The following TLK1 variants were observed in gnomAD, a reference collection of about 807,000 sequenced individuals.
The protein encoded by TLK1 is tousled like kinase 1, also known as serine/threonine-protein kinase tousled-like 1.
A neutral mutation model predicts 105.3 loss-of-function variants in TLK1; 24 were observed. The ratio of observed to expected loss-of-function variants is 0.23; its 90% CI spans 0.17 to 0.32. TLK1 has a LOEUF of 0.32. Ranked by LOEUF, TLK1 falls within the 10% of genes least tolerant of loss-of-function variation. TLK1 has a pLI of 1.00. For synonymous variants in TLK1, 321 were observed against 310.4 expected (o/e 1.03, Z -0.36); for missense variants, 558 against 910.5 (o/e 0.61, Z 4.98).
intron 18 of TLK1, among the ~76,000 whole-genome samples, chr2:171,003,273 CAAAAAAAAAAAAAAAAAAA>C (rs777049271): frequency 1.9e-4 from 13 of 68,506 alleles, no homozygotes; most frequent in African/African-American, 2.5e-4. Context: ...GACTCCGTCT[CAAAAAAAAAAAAAAAAAAA>C]AAAAAAAAAA....
intron 1 of TLK1, among the ~76,000 whole-genome samples, chr2:171,152,218 G>A (rs532499648): frequency 2.0e-5 from 3 of 152,192 alleles, no homozygotes; most frequent in Non-Finnish European, 4.4e-5. Context: ...CATAGATGAA[G>A]AGGAAAAAAT....
chr2:171,028,260 A>AAAT (rs1160705672), intron 12 of TLK1, 79 bp downstream of exon 12: 2 of 1,077,572 alleles, frequency 1.9e-6, no homozygotes, highest in Non-Finnish European at 2.8e-6. Flanking sequence ...TTGGCTTTTA[A>AAAT]AATAAGTGAC....
chr2:171,223,573 G>A (rs953783459), intron 1 of TLK1, among the ~76,000 whole-genome samples: 3 of 145,418 alleles, frequency 2.1e-5, no homozygotes, highest in African/African-American at 5.2e-5. Flanking sequence ...TCCACTTCCT[G>A]AGTTCAAGCG....
At position 171,063,207 on chromosome 2, in the gene TLK1, A is replaced by G. The variant is rs188622402; in HGVS notation, c.331-2051T>C. ...CTAAAAATATAAAAATTAGCCGGGC[A>G]TGGTGGTGCATGCCTGTAGTGCCAG... On this transcript the variant is annotated intron_variant, in intron 3 of 20. Transcript: ENST00000431350. Among the ~76,000 whole-genome samples, 328 of 152,110 alleles carry G rather than the reference A, an allele frequency of 2.2e-3. 1 individual carries two copies. Among genetic ancestry groups the G allele is most frequent in the African/African-American group, 6.9e-3 (286 of 41,494 alleles).
intron 1 of TLK1, among the ~76,000 whole-genome samples, chr2:171,134,680 A>G (rs1401442927): frequency 6.9e-6 from 1 of 144,420 alleles, no homozygotes. Context: ...GATGAATAGG[A>G]AAAAAAAAAA....
chr2:171,151,441 T>C (rs906681749), intron 1 of TLK1, among the ~76,000 whole-genome samples: 3 of 151,890 alleles, frequency 2.0e-5, no homozygotes, highest in East Asian at 1.9e-4. Flanking sequence ...ATGCCGGGAA[T>C]AGTGTCCAGC....
At chr2:171,033,892 T>TAAA (rs1404062964) in intron 11 of TLK1, among the ~76,000 whole-genome samples, 2 of 145,286 alleles carry the variant, frequency 1.4e-5, no homozygotes, top group African/African-American at 5.0e-5. Context: ...CCAGATTTTT[T>TAAA]AAAAAAAAAA....
chr2:171,011,297 G>T, intron 14 of TLK1, 76 bp downstream of exon 14: 1 of 1,273,674 alleles, frequency 7.9e-7, no homozygotes, highest in Non-Finnish European at 1.1e-6. Flanking sequence ...CCCAGACAAC[G>T]TAAGTACTTC....
At chr2:171,033,600 T>C (rs1686158577) in intron 11 of TLK1, among the ~76,000 whole-genome samples, 1 of 148,758 alleles carries the variant, frequency 6.7e-6, no homozygotes, top group African/African-American at 2.4e-5. Context: ...TGATAAATGC[T>C]TGAGGTCATG....
chr2:171,096,446 T>TA (rs1000895078), intron 2 of TLK1, among the ~76,000 whole-genome samples: 15 of 151,640 alleles, frequency 9.9e-5, no homozygotes, highest in East Asian at 1.9e-4. Context: ...TACAATAGCA[T>TA]AAAAAAAATT....
At chr2:170,998,359 TAC>T (rs1684184341) in intron 18 of TLK1, among the ~76,000 whole-genome samples, 1 of 152,126 alleles carries the variant, frequency 6.6e-6, no homozygotes, top group Admixed American at 6.5e-5. Flanking sequence ...GGCAACAACA[TAC>T]ATTTTCAAAA....
chr2:171,197,014 C>T (rs1014785312), intron 1 of TLK1, among the ~76,000 whole-genome samples: 7 of 152,152 alleles, frequency 4.6e-5, no homozygotes, highest in Admixed American at 1.3e-4. Flanking sequence ...ACTAGAAAAA[C>T]GAAATGTTTC....
At chr2:171,049,729 G>T (rs1687142156) in intron 10 of TLK1, 85 bp downstream of exon 10, 9 of 1,518,958 alleles carry the variant, frequency 5.9e-6, no homozygotes, top group African/African-American at 2.8e-5. Flanking sequence ...AGGAACTGGA[G>T]AGCATAATTA....
In TLK1 at chr2:171,172,140, T is replaced by C. The variant is rs141100245; in HGVS notation, c.-5-54283A>G. On this transcript the variant is annotated intron_variant, in intron 1 of 20. Coordinates refer to the TLK1 transcript ENST00000521943. ...ATGTAGATGAACTGTACAAAAATAA[T>C]GTTGGGCAAAGGAAGATAGACATGA... 3.9e-3 allele frequency among the ~76,000 whole-genome samples: 593 copies of C among 152,244 alleles called. 2 individuals are homozygous for C. Among genetic ancestry groups the C allele is most frequent in the African/African-American group, 0.014 (563 of 41,538 alleles).
At chr2:171,063,190 A>G (rs970236661) in intron 3 of TLK1, among the ~76,000 whole-genome samples, 7 of 152,046 alleles carry the variant, frequency 4.6e-5, no homozygotes, top group African/African-American at 1.7e-4. Context: ...TACTAAAAAT[A>G]TAAAAATTAG....
intron 1 of TLK1, among the ~76,000 whole-genome samples, chr2:171,222,746 A>T (rs1181757281): frequency 3.9e-4 from 59 of 152,178 alleles, no homozygotes; most frequent in Admixed American, 3.7e-3. Context: ...TGTGTTAGAA[A>T]CATTCCAATT....
intron 1 of TLK1, among the ~76,000 whole-genome samples, chr2:171,223,635 A>G (rs1056931193): frequency 3.3e-5 from 5 of 151,982 alleles, no homozygotes; most frequent in Non-Finnish European, 5.9e-5. Flanking sequence ...GCTCACCACC[A>G]TACCCAGCTA....
At chr2:171,192,384 G>A (rs1575653206) in intron 1 of TLK1, among the ~76,000 whole-genome samples, 1 of 152,062 alleles carries the variant, frequency 6.6e-6, no homozygotes, top group East Asian at 1.9e-4. Flanking sequence ...GGATTTAGAA[G>A]TTATTGGTAA....
chr2:171,221,958 C>T lies in TLK1; in HGVS notation c.-6+9187G>A, dbSNP rs573183563. ...CAGCATATGAATTTTTTGGAGGACA[C>T]ATTTACTGCTCACCAAATACCCATG... On this transcript the variant is annotated intron_variant, in intron 1 of 20. Transcript: ENST00000521943. Among the ~76,000 whole-genome samples the T allele has an allele frequency of 3.3e-5, 5 of 152,360 alleles. No individual in the cohort carries two copies. In the East Asian group the frequency reaches 7.7e-4, roughly 23 times the overall value.
Sources: gnomAD v4.1 joint callset for allele counts (sites outside exome capture counted in the v4.1 genomes callset) on GRCh38, gnomAD v4.1.1 for gene constraint, MANE v1.5 for transcripts, NCBI Gene and HGNC (gene_info 2026-07-23, HGNC 2026-07-21) for gene names.